KIFC3: variants seen among roughly 807,000 people sequenced by gnomAD.
KIFC3 encodes kinesin-like protein KIFC3.
A neutral mutation model predicts 101.8 loss-of-function variants in KIFC3; 60 were observed. That is an observed-to-expected ratio of 0.59 (90% confidence interval 0.48 to 0.73). The LOEUF (loss-of-function observed/expected upper bound fraction) is 0.73. Among genes scored for constraint, KIFC3 ranks in the 30% least tolerant of loss-of-function variants. KIFC3 has a pLI of 0.00. For missense variants in KIFC3, 966 were observed against 1,137.1 expected, an observed-to-expected ratio of 0.85 and a Z score of 2.16; for synonymous variants, 476 against 482.7, an observed-to-expected ratio of 0.99 and a Z score of 0.18.
In KIFC3 at chr16:57,758,584, C is replaced by T. The variant is rs1222430728; in HGVS notation, c.*350G>A. The T allele has an allele frequency of 4.5e-6, 3 of 673,440 alleles. No individual in the cohort carries two copies. Among genetic ancestry groups the T allele is most frequent in the Admixed American group, 2.0e-5 (1 of 48,900 alleles). The allele number at this position is 673,440 out of a possible 1,614,324, so 41.7% of individuals were successfully genotyped here. A position where few individuals can be genotyped will look rare whatever the true frequency, so the allele number is the denominator to read the frequency against. ...AGCTCTGCAAGCTGAGGAGAGGGGC[C>T]GAGAAAGCCTGGGTGAGAGGCCCAC... is the stretch of plus-strand genomic sequence containing the variant. On this transcript the variant is annotated 3_prime_UTR_variant, in exon 20 of 20. Coordinates refer to ENST00000445690, the MANE Select transcript of KIFC3 (RefSeq NM_001130100.2).
rs1013074113 is a variant in KIFC3, at chr16:57,847,279, G to A, written c.108+15450C>T. Among the ~76,000 whole-genome samples, 223 of 131,404 alleles carry A rather than the reference G, an allele frequency of 1.7e-3. 3 individuals are homozygous for A. The highest frequency in any genetic ancestry group is 6.1e-3 in the African/African-American group (206 of 33,892). The allele number at this position is 131,404 out of a possible 152,430, so 86.2% of individuals were successfully genotyped here. ...GGAAGGAAGGAAGGAAGGGAAGGGA[G>A]GGAGGGAGAGAGGGCGGGGAGGGAG... On this transcript the variant is annotated intron_variant, in intron 1 of 2. Coordinates refer to the KIFC3 transcript ENST00000563028.
intron 1 of KIFC3, among the ~76,000 whole-genome samples, chr16:57,858,203 C>A (rs2056220495): frequency 6.6e-6 from 1 of 152,004 alleles, no homozygotes; most frequent in African/African-American, 2.4e-5. Context: ...CAATAGCTTT[C>A]TTTTTTTAGC....
chr16:57,828,097 C>T (rs1040475625), intron 1 of KIFC3, among the ~76,000 whole-genome samples: 1 of 152,216 alleles, frequency 6.6e-6, no homozygotes, highest in Admixed American at 6.5e-5. Context: ...TGGCCCCTGG[C>T]CCTCTTGGAG....
At chr16:57,763,604 C>T (rs111490177) in intron 12 of KIFC3, among the ~76,000 whole-genome samples, 2 of 152,188 alleles carry the variant, frequency 1.3e-5, no homozygotes, top group Admixed American at 6.5e-5. Context: ...TGGCCTGCCA[C>T]CTGCTCCACC....
upstream of KIFC3, among the ~76,000 whole-genome samples, chr16:57,805,507 C>G (rs570231445): frequency 6.6e-6 from 1 of 152,054 alleles, no homozygotes; most frequent in Non-Finnish European, 1.5e-5. Flanking sequence ...CCCTTCCTGC[C>G]GAACTCTGGC....
At chr16:57,835,830 A>G (rs1374504328) in intron 1 of KIFC3, among the ~76,000 whole-genome samples, 2 of 152,118 alleles carry the variant, frequency 1.3e-5, no homozygotes, top group African/African-American at 4.8e-5. Context: ...TGTGCCTGTA[A>G]CCCTAGCTAC....
intron 1 of KIFC3, among the ~76,000 whole-genome samples, chr16:57,799,576 G>A (rs575748612): frequency 1.3e-5 from 2 of 152,306 alleles, no homozygotes; most frequent in South Asian, 2.1e-4. Flanking sequence ...TGGGGTGAAC[G>A]TTCTGAAATG....
At chr16:57,853,650 G>A (rs1313684748) in intron 1 of KIFC3, among the ~76,000 whole-genome samples, 1 of 151,588 alleles carries the variant, frequency 6.6e-6, no homozygotes, top group Non-Finnish European at 1.5e-5. Flanking sequence ...ATTTATTTTT[G>A]AGACAAAGTC....
At chr16:57,832,399 C>A (rs890920382) in intron 1 of KIFC3, among the ~76,000 whole-genome samples, 54 of 141,448 alleles carry the variant, frequency 3.8e-4, no homozygotes, top group African/African-American at 1.3e-3. Context: ...TCTTGGCTCA[C>A]TGCAATCTCT....
chr16:57,832,321 CTTTTTTTTTT>C (rs1165977084), intron 1 of KIFC3, among the ~76,000 whole-genome samples: 1,304 of 73,500 alleles, frequency 0.018, 22 homozygotes, highest in Non-Finnish European at 0.025. Context: ...GCGCCAGGCC[CTTTTTTTTTT>C]TTTTTTTTTT....
At chr16:57,839,383 G>GA (rs72324470) in intron 1 of KIFC3, among the ~76,000 whole-genome samples, 8,276 of 150,956 alleles carry the variant, frequency 0.055, 282 homozygotes, top group African/African-American at 0.093. Context: ...CTACAAAAAG[G>GA]AAAAAAAAAT....
intron 1 of KIFC3, among the ~76,000 whole-genome samples, chr16:57,836,293 G>C (rs532102367): frequency 6.6e-6 from 1 of 152,144 alleles, no homozygotes; most frequent in South Asian, 2.1e-4. Flanking sequence ...TTGTATTTTT[G>C]GTAGAAACAG....
At chr16:57,795,754 G>C (rs1386719342) in intron 2 of KIFC3, among the ~76,000 whole-genome samples, 1 of 152,140 alleles carries the variant, frequency 6.6e-6, no homozygotes. Context: ...GGTGGGATGG[G>C]GGCCAGCCTC....
At chr16:57,853,146 C>T (rs559299514) in intron 1 of KIFC3, among the ~76,000 whole-genome samples, 119 of 152,148 alleles carry the variant, frequency 7.8e-4, no homozygotes, top group African/African-American at 2.6e-3. Context: ...TGCCCGGGCG[C>T]GGTGGCTCAC....
chr16:57,782,620 G>A (rs2052856391), intron 3 of KIFC3, among the ~76,000 whole-genome samples: 1 of 152,178 alleles, frequency 6.6e-6, no homozygotes, highest in African/African-American at 2.4e-5. Context: ...CATCCCCTGA[G>A]AAATTTCCAG....
At chr16:57,785,759 G>T in intron 3 of KIFC3, 1 of 742,342 alleles carries the variant, frequency 1.3e-6, no homozygotes, top group African/African-American at 1.9e-5. Flanking sequence ...CACCAGGGAT[G>T]ATAGAGGTGC....
intron 1 of KIFC3, among the ~76,000 whole-genome samples, chr16:57,813,163 A>C (rs1290976735): frequency 2.0e-5 from 3 of 152,098 alleles, no homozygotes; most frequent in South Asian, 4.2e-4. Context: ...CTCCATCTCT[A>C]CTGAAAATAC....
chr16:57,803,066 C>G, upstream of KIFC3: 4 of 1,534,316 alleles, frequency 2.6e-6, no homozygotes, highest in Middle Eastern at 1.7e-4. Flanking sequence ...CACCTACTCG[C>G]TGGCCAGGCC....
chr16:57,775,173 G>A (rs2051880844), intron 3 of KIFC3: 2 of 1,330,380 alleles, frequency 1.5e-6, no homozygotes, highest in South Asian at 2.0e-5. Context: ...TCTCAGAGGG[G>A]CACCCAAAAG....
Sources: allele counts gnomAD v4.1 joint callset (sites outside exome capture counted in the v4.1 genomes callset), GRCh38; gene constraint gnomAD v4.1.1; transcripts MANE v1.5; gene names NCBI Gene and HGNC (gene_info 2026-07-23, HGNC 2026-07-21).